Variants in MED16 observed in about 807,000 individuals in gnomAD.
The protein encoded by MED16 is mediator complex subunit 16.
Under a neutral mutation model 84.4 loss-of-function variants are expected in MED16, and 81 were observed. The observed-to-expected ratio is 0.96, with a 90% confidence interval of 0.80 to 1.15. The LOEUF (loss-of-function observed/expected upper bound fraction) is 1.15. Among genes scored for constraint, MED16 ranks in the 50% most tolerant of loss-of-function variants. MED16 has a pLI of 0.00. For missense variants in MED16, 1,585 were observed against 1,245.9 expected (o/e 1.27, Z -4.10); for synonymous variants, 897 against 552.2 (o/e 1.62, Z -8.76).
intron 8 of MED16, among the ~76,000 whole-genome samples, chr19:879,411 T>G (rs1337055439): frequency 3.5e-5 from 3 of 86,916 alleles, no homozygotes; most frequent in South Asian, 4.1e-4. Context: ...CTTTCCCTGG[T>G]TGTCAATGCC....
Position 873,452 on chromosome 19 carries a change from G to A in MED16, c.1902C>T (p.Asn634=), listed in dbSNP as rs1284724028. The A allele has an allele frequency of 1.2e-6, 2 of 1,608,144 alleles. No homozygotes were observed. The highest frequency in any genetic ancestry group is 1.7e-5 in the Admixed American group (1 of 59,956). Residue 634 remains asparagine, a synonymous_variant, in exon 11 of 16, where the codon AAC becomes AAT. Transcript: ENST00000325464. ...CTTAGGGGAGAGCATGGCGCACCTG[G>A]TTGGGTAGGCTGGCCAGCAGGTACA... The part of the protein sequence containing the change: ...FVLYLLASLP[N]QGSLLRPGHS...
rs2036200360 is a variant in MED16 at position 875,183 on chromosome 19, A to G, written c.1771+61T>C. On this transcript the variant is annotated intron_variant, in intron 10 of 15. Transcript: ENST00000325464. ...TATCTCAAAAGAGTAAAAAAAATAAATAAAAATAAAATAAATAGATGAAAG... is the reference window on the plus strand; with the variant it reads ...TATCTCAAAAGAGTAAAAAAAATAAGTAAAAATAAAATAAATAGATGAAAG... 6 of 1,173,744 alleles carry G rather than the reference A, an allele frequency of 5.1e-6. No homozygotes were observed. In the African/African-American group the frequency reaches 8.0e-5, roughly 16 times the overall value. The allele number at this position is 1,173,744 out of a possible 1,614,324, so 72.7% of individuals were successfully genotyped here. A position where few individuals can be genotyped will look rare whatever the true frequency, so the allele number is the denominator to read the frequency against.
intron 10 of MED16, 55 bp downstream of exon 10, chr19:875,189 A>G: frequency 8.3e-7 from 1 of 1,206,030 alleles, no homozygotes; most frequent in Admixed American, 2.6e-5. Flanking sequence ...ATAAATAAAA[A>G]TAAAATAAAT....
chr19:873,703 C>G, intron 10 of MED16, 121 bp from the exon 11 acceptor site: 4 of 1,189,108 alleles, frequency 3.4e-6, no homozygotes, highest in South Asian at 2.8e-5. Flanking sequence ...ACAAGGGGAC[C>G]CACACCGGGA....
rs1386736153 is a variant in MED16 at position 871,943 on chromosome 19, G to C, written c.2081C>G (p.Thr694Ser). Residue 694 changes from threonine (T) to serine (S), a missense_variant, in exon 12 of 16, where the codon ACC becomes AGC. By Grantham distance (58) the Thr-to-Ser change is moderately conservative. Transcript: ENST00000325464. ...DSMSLLFRLL[T>S]KLWICCRDEG... Reference sequence around the variant, plus strand: ...TGCCTCACAGCAGATCCAGAGCTTGGTGAGCAGGCGGAAGAGCAGGGACAT... The same window carrying C: ...TGCCTCACAGCAGATCCAGAGCTTGCTGAGCAGGCGGAAGAGCAGGGACAT... 4 of 1,601,194 alleles carry C rather than the reference G, an allele frequency of 2.5e-6. No homozygotes were observed. Among genetic ancestry groups the C allele is most frequent in the South Asian group, 1.1e-5 (1 of 90,340 alleles).
At position 889,741 on chromosome 19, in the gene MED16, G is replaced by C; in HGVS notation, c.344C>G (p.Ala115Gly). Reference sequence around the variant, plus strand: ...GCCCACTGAGCTCTCCCAGCTATTAGCCAGGTGGTCCGCCATGCTCCAGCA... The same window carrying C: ...GCCCACTGAGCTCTCCCAGCTATTACCCAGGTGGTCCGCCATGCTCCAGCA... ...IKCWSMADHL[A>G]NSWESSVGSL... The change falls in exon 4 of 16, where the codon GCT becomes GGT. Residue 115 changes from alanine to glycine, a missense_variant. By Grantham distance (60) the Ala-to-Gly change is moderately conservative. Coordinates refer to ENST00000325464, the MANE Select transcript of MED16 (RefSeq NM_005481.3). 1.2e-6 allele frequency: 2 copies of C among 1,613,652 alleles called. No individual in the cohort carries two copies. The highest frequency in any genetic ancestry group is 1.7e-6 in the Non-Finnish European group (2 of 1,179,924).
chr19:885,392 C>G (rs2036504468), intron 5 of MED16, among the ~76,000 whole-genome samples: 1 of 152,106 alleles, frequency 6.6e-6, no homozygotes, highest in Non-Finnish European at 1.5e-5. Flanking sequence ...TGGGCCGCCT[C>G]TCACAGAGAA....
intron 11 of MED16, 24 bp downstream of exon 11, chr19:873,411 AGGTGGGGGGCGGGG>A: frequency 7.2e-7 from 1 of 1,381,864 alleles, no homozygotes; most frequent in Non-Finnish European, 9.4e-7. Flanking sequence ...ATGGGGGCCC[AGGTGGGGGGCGGGG>A]CCTTAGGGGA....
rs563351108 is a variant in MED16, at chr19:873,432, G to C, written c.1905+17C>G. 2.3e-5 allele frequency: 37 copies of C among 1,603,850 alleles called. No homozygotes were observed. The African/African-American group carries it at 4.5e-4, about 20-fold the overall frequency. ...GCCCAGGTGGGGGGCGGGGCCTTAGGGGAGAGCATGGCGCACCTGGTTGGG... is the reference window on the plus strand; with the variant it reads ...GCCCAGGTGGGGGGCGGGGCCTTAGCGGAGAGCATGGCGCACCTGGTTGGG... On this transcript the variant is annotated intron_variant, in intron 11 of 15. Coordinates refer to ENST00000325464, the MANE Select transcript of MED16 (RefSeq NM_005481.3).
rs768994507 is a variant in MED16 at position 880,087 on chromosome 19, G to A, written c.1203C>T (p.Thr401=). ...VHIVHRLSLQ[T]MAVFYSSAAP... is the part of the protein sequence containing the mutation. Reference sequence around the variant, plus strand: ...CCGCGGAGCTGTAGAAGACGGCCATGGTCTGCAGTGAGAGCCGGTGCACGA... The same window carrying A: ...CCGCGGAGCTGTAGAAGACGGCCATAGTCTGCAGTGAGAGCCGGTGCACGA... The change falls in exon 8 of 16, where the codon ACC becomes ACT. Residue 401 remains threonine (T), a synonymous_variant. Transcript: ENST00000325464. 7.0e-5 allele frequency: 112 copies of A among 1,610,798 alleles called. No individual in the cohort carries two copies. The highest frequency in any genetic ancestry group is 8.6e-5 in the Non-Finnish European group (101 of 1,179,446).
At chr19:892,913 C>CCGCGCCCCGCGCCCCGCGCCCCGCGCCG in intron 1 of MED16, 173 bp downstream of exon 1, 2 of 140,988 alleles carry the variant, frequency 1.4e-5, no homozygotes, top group African/African-American at 3.0e-5. Flanking sequence ...GCCCCGCGCC[C>CCGCGCCCCGCGCCCCGCGCCCCGCGCCG]CGCGCCCCGC....
chr19:874,485 G>A (rs1490150036), intron 10 of MED16, among the ~76,000 whole-genome samples: 1 of 152,156 alleles, frequency 6.6e-6, no homozygotes, highest in African/African-American at 2.4e-5. Context: ...GGGAGGCAGA[G>A]GCGAGTAGGA....
intron 11 of MED16, 48 bp from the exon 12 acceptor site, chr19:872,166 G>T: frequency 6.6e-7 from 1 of 1,525,904 alleles, no homozygotes; most frequent in Non-Finnish European, 8.9e-7. Flanking sequence ...GGGGCAGATG[G>T]CGATGGGATG....
chr19:882,862 G>C (rs1433256055), intron 6 of MED16, among the ~76,000 whole-genome samples: 1 of 152,192 alleles, frequency 6.6e-6, no homozygotes, highest in South Asian at 2.1e-4. Context: ...ACAGAGCCTT[G>C]ACCTCCTGCA....
At chr19:871,514 T>A (rs2036054446) in intron 12 of MED16, 2 of 1,546,188 alleles carry the variant, frequency 1.3e-6, no homozygotes, top group Non-Finnish European at 1.7e-6. Context: ...TGGGAAGCAC[T>A]GTGCCTTTTC....
intron 12 of MED16, chr19:871,595 C>G (rs1022691754): frequency 3.8e-6 from 6 of 1,595,854 alleles, no homozygotes; most frequent in South Asian, 1.1e-5. Flanking sequence ...GGAGAGACAG[C>G]AAACAGGTGC....
At chr19:878,773 C>G (rs372929744) in intron 8 of MED16, among the ~76,000 whole-genome samples, 1 of 77,654 alleles carries the variant, frequency 1.3e-5, no homozygotes, top group African/African-American at 4.8e-5. Context: ...TCCCCTTCCC[C>G]TGGTTGTCAA....
intron 12 of MED16, 140 bp downstream of exon 12, chr19:871,777 GGAGAGGGGA>G (rs1568319265): frequency 4.8e-5 from 23 of 474,590 alleles, no homozygotes; most frequent in South Asian, 1.5e-4. Flanking sequence ...CGGGGAGAGG[GGAGAGGGGA>G]GAGCGGGGAG....
chr19:888,185 C>A (rs1359273423), intron 4 of MED16, among the ~76,000 whole-genome samples: 1 of 145,916 alleles, frequency 6.9e-6, no homozygotes, highest in Non-Finnish European at 1.5e-5. Flanking sequence ...GCCTGGGCAA[C>A]AGAGCAAGAC....
Sources: gnomAD v4.1 joint callset for allele counts (sites outside exome capture counted in the v4.1 genomes callset) on GRCh38, gnomAD v4.1.1 for gene constraint, MANE v1.5 for transcripts, NCBI Gene and HGNC (gene_info 2026-07-23, HGNC 2026-07-21) for gene names.